DENND5A: variants seen among roughly 807,000 people sequenced by gnomAD.
DENND5A encodes the protein DENN domain-containing protein 5A.
In DENND5A, 64 loss-of-function variants were observed where a neutral mutation model predicts 140.3. That is an observed-to-expected ratio of 0.46 (90% CI 0.37 to 0.56). DENND5A has a LOEUF of 0.56. Among genes scored for constraint, DENND5A ranks in the 20% least tolerant of loss-of-function variants. The probability of loss-of-function intolerance (pLI) is 0.00; values close to 1 mark genes in which losing one functional copy is unlikely to be tolerated. For synonymous variants in DENND5A, 605 were observed against 607.7 expected, an observed-to-expected ratio of 1.00 and a Z score of 0.07; for missense variants, 1,292 against 1,593.8, an observed-to-expected ratio of 0.81 and a Z score of 3.22.
chr11:9,180,716 C>A, intron 6 of DENND5A, 51 bp downstream of exon 6: 2 of 1,549,754 alleles, frequency 1.3e-6, no homozygotes, highest in Non-Finnish European at 1.8e-6. Context: ...TTCACCAGGA[C>A]AGCACCCTAG....
chr11:9,259,700 T>C (rs150755253), intron 1 of DENND5A, among the ~76,000 whole-genome samples: 1 of 152,198 alleles, frequency 6.6e-6, no homozygotes, highest in East Asian at 1.9e-4. Context: ...TGAGCCACTG[T>C]ACCAGGACCC....
intron 1 of DENND5A, among the ~76,000 whole-genome samples, chr11:9,212,832 G>C (rs759090262): frequency 5.3e-4 from 80 of 152,118 alleles, no homozygotes; most frequent in Middle Eastern, 3.4e-3. Context: ...TAATATTCTT[G>C]AAACAATAAA....
chr11:9,208,845 C>G (rs1434421351), intron 1 of DENND5A, among the ~76,000 whole-genome samples: 1 of 152,230 alleles, frequency 6.6e-6, no homozygotes, highest in East Asian at 1.9e-4. Context: ...CAAAAATCAG[C>G]AGGCAGCTGG....
Position 9,170,862 on chromosome 11 carries a change from T to C in DENND5A, c.1907-85A>G, listed in dbSNP as rs1225893357. 1.2e-5 allele frequency: 18 copies of C among 1,563,724 alleles called. 1 individual carries two copies. Among genetic ancestry groups the C allele is most frequent in the Non-Finnish European group, 1.4e-5 (16 of 1,154,550 alleles). ...AATCAAGTCAAACATTCTTTAAGAA[T>C]CTAGCTACTCTTCCATTTCCAGCCA... On this transcript the variant is annotated intron_variant, in intron 8 of 22. Transcript: ENST00000328194.
intron 1 of DENND5A, among the ~76,000 whole-genome samples, chr11:9,256,888 C>T (rs966334143): frequency 2.6e-5 from 4 of 152,126 alleles, no homozygotes; most frequent in East Asian, 1.9e-4. Context: ...GTATGGTATA[C>T]GAATTATATC....
intron 4 of DENND5A, among the ~76,000 whole-genome samples, chr11:9,195,098 T>C (rs913025296): frequency 6.6e-6 from 1 of 151,368 alleles, no homozygotes; most frequent in African/African-American, 2.4e-5. Flanking sequence ...TTTTTTTTTT[T>C]TTTGACGGAG....
chr11:9,173,135 A>G (rs754064946), intron 8 of DENND5A, among the ~76,000 whole-genome samples: 23 of 152,184 alleles, frequency 1.5e-4, no homozygotes, highest in Non-Finnish European at 3.2e-4. Flanking sequence ...CTGGAGCAAC[A>G]TCTTTAGAGT....
intron 1 of DENND5A, among the ~76,000 whole-genome samples, chr11:9,247,350 A>G (rs1464001901): frequency 6.6e-6 from 1 of 152,126 alleles, no homozygotes; most frequent in Non-Finnish European, 1.5e-5. Flanking sequence ...CAATGACTGC[A>G]AATATCAGTG....
Position 9,165,976 on chromosome 11 carries a change from A to G in DENND5A, c.2152-9T>C, listed in dbSNP as rs962011995. ...GCTTCCTGGATGTACTTCTATATCA[A>G]ACAGAAAAATAAAGACCCTTTGTGT... On this transcript the variant is annotated splice_polypyrimidine_tract_variant and intron_variant, in intron 10 of 22. Transcript: ENST00000328194. The G allele has an allele frequency of 1.2e-6, 2 of 1,614,072 alleles. No homozygotes were observed. Among genetic ancestry groups the G allele is most frequent in the Admixed American group, 3.3e-5 (2 of 60,020 alleles).
intron 8 of DENND5A, chr11:9,175,840 G>A (rs1450652874): frequency 5.3e-5 from 8 of 152,140 alleles, no homozygotes; most frequent in South Asian, 4.1e-4. Context: ...AGACTTGAAC[G>A]TAAAACCTAA....
At chr11:9,168,594 A>G (rs1374224306) in intron 10 of DENND5A, among the ~76,000 whole-genome samples, 1 of 152,182 alleles carries the variant, frequency 6.6e-6, no homozygotes, top group African/African-American at 2.4e-5. Flanking sequence ...GACTTTTAAA[A>G]TAACACAAAT....
chr11:9,229,899 C>CTT (rs71062816), intron 1 of DENND5A, among the ~76,000 whole-genome samples: 2,279 of 64,936 alleles, frequency 0.035, 165 homozygotes, highest in East Asian at 0.096. Context: ...GCTCCCATTT[C>CTT]TTTTTTTTTT....
At chr11:9,250,406 A>G (rs1194903560) in intron 1 of DENND5A, among the ~76,000 whole-genome samples, 3 of 152,182 alleles carry the variant, frequency 2.0e-5, no homozygotes, top group African/African-American at 7.2e-5. Context: ...AAAACAAGCA[A>G]CCTGTCTCCT....
At chr11:9,218,429 C>T (rs566133508) in intron 1 of DENND5A, among the ~76,000 whole-genome samples, 78 of 152,216 alleles carry the variant, frequency 5.1e-4, no homozygotes, top group Non-Finnish European at 7.9e-4. Flanking sequence ...GGTACAGTGG[C>T]TCATGCTTAG....
chr11:9,156,870 T>TGGAA (rs3074636), intron 12 of DENND5A, among the ~76,000 whole-genome samples: 13,134 of 142,450 alleles, frequency 0.092, 688 homozygotes, highest in African/African-American at 0.11. Flanking sequence ...GAAGGATGGA[T>TGGAA]GGAAGGAAGG....
At chr11:9,166,043 T>G (rs985872927) in intron 10 of DENND5A, 76 bp from the exon 11 acceptor site, 1 of 1,320,678 alleles carries the variant, frequency 7.6e-7, no homozygotes, top group Non-Finnish European at 1.1e-6. Context: ...GGTGGGTGCC[T>G]GAAGAGGGCA....
At chr11:9,221,656 G>A (rs898859017) in intron 1 of DENND5A, among the ~76,000 whole-genome samples, 2 of 151,904 alleles carry the variant, frequency 1.3e-5, no homozygotes, top group Non-Finnish European at 2.9e-5. Context: ...GTGAGCCACC[G>A]CGCCCAGCCA....
At position 9,169,495 on chromosome 11, in the gene DENND5A, G is replaced by A. The variant is rs112109985; in HGVS notation, c.2151+361C>T. Among the ~76,000 whole-genome samples, 475 of 145,808 alleles carry A rather than the reference G, an allele frequency of 3.3e-3. 5 individuals carry two copies. Among genetic ancestry groups the A allele is most frequent in the African/African-American group, 0.01 (411 of 39,700 alleles). Reference sequence around the variant, plus strand: ...ATTAACTTTTTTCCTATATACACACGCACACACACACACACACACACACAC... The same window carrying A: ...ATTAACTTTTTTCCTATATACACACACACACACACACACACACACACACAC... On this transcript the variant is annotated intron_variant, in intron 10 of 22. Transcript: ENST00000328194.
At chr11:9,227,772 T>A (rs572591951) in intron 1 of DENND5A, among the ~76,000 whole-genome samples, 2 of 151,016 alleles carry the variant, frequency 1.3e-5, no homozygotes, top group African/African-American at 2.4e-5. Flanking sequence ...CTGGGCAACA[T>A]AGCAAGATAC....
Sources: allele counts gnomAD v4.1 joint callset (sites outside exome capture counted in the v4.1 genomes callset), GRCh38; gene constraint gnomAD v4.1.1; transcripts MANE v1.5; gene names NCBI Gene and HGNC (gene_info 2026-07-23, HGNC 2026-07-21).